The following DENND2B variants were observed in gnomAD, a reference collection of about 807,000 sequenced individuals.
DENND2B encodes the protein DENN domain containing 2B, also known as DENN domain-containing protein 2B.
DENND2B carries 32 observed loss-of-function variants against 116.0 expected under a neutral mutation model. The observed-to-expected ratio is 0.28, with a 90% CI of 0.21 to 0.37. DENND2B has a LOEUF of 0.37. Ranked by LOEUF, DENND2B falls within the 10% of genes least tolerant of loss-of-function variation. The probability of loss-of-function intolerance (pLI) is 1.00; values close to 1 mark genes in which losing one functional copy is unlikely to be tolerated. For synonymous variants in DENND2B, 588 were observed against 583.9 expected (o/e 1.01, Z -0.10); for missense variants, 1,276 against 1,477.7 (o/e 0.86, Z 2.24).
chr11:8,772,867 G>C (rs886299854), intron 1 of DENND2B, among the ~76,000 whole-genome samples: 1 of 151,866 alleles, frequency 6.6e-6, no homozygotes, highest in Non-Finnish European at 1.5e-5. Context: ...AACTCCTTGG[G>C]TATGCTTACA....
chr11:8,859,280 A>C (rs1271321041), intron 2 of DENND2B, among the ~76,000 whole-genome samples: 1 of 150,542 alleles, frequency 6.6e-6, no homozygotes, highest in East Asian at 1.9e-4. Context: ...GGTTAGATAA[A>C]CACTAACGTG....
At chr11:8,816,739 G>A (rs35208559) in intron 4 of DENND2B, among the ~76,000 whole-genome samples, 3 of 152,180 alleles carry the variant, frequency 2.0e-5, no homozygotes, top group African/African-American at 7.2e-5. Flanking sequence ...GCAGGCTGGA[G>A]CCCAGTCCTG....
At chr11:8,828,953 G>GGGGTGTGTGTGT (rs932332737) in intron 4 of DENND2B, among the ~76,000 whole-genome samples, 4 of 151,274 alleles carry the variant, frequency 2.6e-5, no homozygotes, top group Non-Finnish European at 5.9e-5. Flanking sequence ...GTGTGTGTGT[G>GGGGTGTGTGTGT]GGGTGTGTGT....
chr11:8,803,869 G>T (rs557936456), intron 1 of DENND2B, among the ~76,000 whole-genome samples: 1 of 152,196 alleles, frequency 6.6e-6, no homozygotes, highest in Non-Finnish European at 1.5e-5. Context: ...AGGGTACAAG[G>T]GCAGTATTTG....
chr11:8,910,924 A>AG, exon 1 of DENND2B: 1 of 33,872 alleles, frequency 3.0e-5, no homozygotes, highest in South Asian at 2.1e-3. Context: ...CTCAGTCCTC[A>AG]GCCCCCAGCC....
At chr11:8,718,328 C>T (rs1220931198) in intron 4 of DENND2B, 26 of 1,524,922 alleles carry the variant, frequency 1.7e-5, no homozygotes, top group Non-Finnish European at 2.2e-5. Flanking sequence ...TCCCTTCACC[C>T]AACTCTCAGG....
intron 1 of DENND2B, among the ~76,000 whole-genome samples, chr11:8,794,392 G>A (rs540120102): frequency 6.6e-6 from 1 of 152,196 alleles, no homozygotes; most frequent in African/African-American, 2.4e-5. Flanking sequence ...ACCCACCCAC[G>A]TGGTCCTTCC....
chr11:8,718,364 A>C, intron 4 of DENND2B: 1 of 1,535,054 alleles, frequency 6.5e-7, no homozygotes. Context: ...CCTACTTTGG[A>C]GGGTGGGCAT....
At chr11:8,767,024 G>A (rs1593371460) in intron 1 of DENND2B, among the ~76,000 whole-genome samples, 1 of 152,096 alleles carries the variant, frequency 6.6e-6, no homozygotes, top group East Asian at 1.9e-4. Flanking sequence ...CAAATATGAA[G>A]ATGATCTCAG....
chr11:8,718,110 C>CCACCCCCG (rs2045364242), intron 4 of DENND2B: 4 of 252,544 alleles, frequency 1.6e-5, no homozygotes, highest in African/African-American at 2.5e-5. Flanking sequence ...CCCCACCCCC[C>CCACCCCCG]CCAACCCCCC....
intron 1 of DENND2B, among the ~76,000 whole-genome samples, chr11:8,892,998 G>A (rs1306206200): frequency 2.6e-5 from 4 of 152,132 alleles, no homozygotes; most frequent in Non-Finnish European, 5.9e-5. Flanking sequence ...AAAATCCTCA[G>A]TAAAATACTG....
At chr11:8,752,676 T>A (rs1768172706) in intron 1 of DENND2B, among the ~76,000 whole-genome samples, 1 of 152,180 alleles carries the variant, frequency 6.6e-6, no homozygotes, top group Non-Finnish European at 1.5e-5. Flanking sequence ...GTAAAAAATG[T>A]CTGTTCATGT....
At chr11:8,695,607 G>A (rs2040217142) in intron 18 of DENND2B, 58 bp from the exon 19 acceptor site, 1 of 1,494,838 alleles carries the variant, frequency 6.7e-7, no homozygotes, top group South Asian at 1.1e-5. Context: ...GGGAAGGAGA[G>A]GCCTACATGA....
At chr11:8,758,217 C>T (rs968261545) in intron 1 of DENND2B, among the ~76,000 whole-genome samples, 1 of 152,210 alleles carries the variant, frequency 6.6e-6, no homozygotes, top group Non-Finnish European at 1.5e-5. Context: ...GACTCACCAT[C>T]TTCCCAAGAA....
At chr11:8,751,314 C>T (rs1007766000) in intron 1 of DENND2B, among the ~76,000 whole-genome samples, 1 of 152,166 alleles carries the variant, frequency 6.6e-6, no homozygotes, top group Non-Finnish European at 1.5e-5. Context: ...CTCTGTAAAA[C>T]AGACCAATCG....
In DENND2B at chr11:8,711,205, T is replaced by G. The variant is rs61755322; in HGVS notation, c.2199A>C (p.Arg733=). ...PKLDRPTKQM[R]EAEERLKAIP... Reference sequence around the variant, plus strand: ...TGGCTTTGAGCCTTTCCTCTGCCTCTCGCATCTGCTTGGTGGGTCGGTCCA... The same window carrying G: ...TGGCTTTGAGCCTTTCCTCTGCCTCGCGCATCTGCTTGGTGGGTCGGTCCA... The change falls in exon 10 of 20, where the codon CGA becomes CGC. Residue 733 remains arginine, a synonymous_variant. Coordinates refer to ENST00000313726, the MANE Select transcript of DENND2B (RefSeq NM_213618.2). 5 of 1,613,818 alleles carry G rather than the reference T, an allele frequency of 3.1e-6. No homozygotes were observed. Among genetic ancestry groups the G allele is most frequent in the African/African-American group, 2.7e-5 (2 of 74,910 alleles).
intron 3 of DENND2B, among the ~76,000 whole-genome samples, chr11:8,842,003 T>C (rs2568043): frequency 0.4 from 60,924 of 152,028 alleles, 12,540 homozygotes; most frequent in Non-Finnish European, 0.44. Context: ...CATCACAAAG[T>C]AGTAGAAAGA....
At chr11:8,896,389 A>T (rs2064101869) in intron 1 of DENND2B, among the ~76,000 whole-genome samples, 1 of 152,192 alleles carries the variant, frequency 6.6e-6, no homozygotes, top group Non-Finnish European at 1.5e-5. Context: ...ATTGGAAGGG[A>T]ACAGGAATTG....
At chr11:8,733,322 T>C (rs1022063250) in intron 2 of DENND2B, among the ~76,000 whole-genome samples, 17 of 152,332 alleles carry the variant, frequency 1.1e-4, no homozygotes, top group African/African-American at 4.1e-4. Context: ...AGCCCCTAAG[T>C]GAATGAGTGT....
Sources: gnomAD v4.1 joint callset for allele counts (sites outside exome capture counted in the v4.1 genomes callset) on GRCh38, gnomAD v4.1.1 for gene constraint, MANE v1.5 for transcripts, NCBI Gene and HGNC (gene_info 2026-07-23, HGNC 2026-07-21) for gene names.